CD63: variants seen among roughly 807,000 people sequenced by gnomAD.
CD63 encodes CD63 antigen.
In CD63, 16 loss-of-function variants were observed where a neutral mutation model predicts 29.2. The ratio of observed to expected loss-of-function variants is 0.55; its 90% CI spans 0.37 to 0.83. CD63 has a LOEUF of 0.83. CD63 is among the 40% of genes least tolerant of loss of function. The pLI is 0.00. For missense variants in CD63, 251 were observed against 297.3 expected (o/e 0.84, Z 1.15); for synonymous variants, 118 against 111.7 (o/e 1.06, Z -0.36).
intron 2 of CD63, 108 bp from the exon 3 acceptor site, chr12:55,727,447 G>A (rs1240640736): frequency 7.9e-7 from 1 of 1,272,150 alleles, no homozygotes; most frequent in Admixed American, 2.6e-5. Flanking sequence ...ATCCGGAAGA[G>A]AGATTCTCAC....
chr12:55,724,697 C>G (rs1877123958), downstream of CD63: 1 of 800,428 alleles, frequency 1.2e-6, no homozygotes, highest in Non-Finnish European at 2.1e-6. Flanking sequence ...AGAAATGTGC[C>G]CAGTGGAAGG....
At chr12:55,724,788 C>T, downstream of CD63, 1 of 577,154 alleles carries the variant, frequency 1.7e-6, no homozygotes, top group Non-Finnish European at 3.1e-6. Flanking sequence ...AAACAGCTAG[C>T]ACCCACAGTG....
chr12:55,727,492 G>C, intron 2 of CD63, 153 bp from the exon 3 acceptor site: 1 of 1,181,912 alleles, frequency 8.5e-7, no homozygotes, highest in Non-Finnish European at 1.1e-6. Context: ...TGGGGTAGGG[G>C]GATGACCCAT....
At chr12:55,729,260 G>A, upstream of CD63, 1 of 526,598 alleles carries the variant, frequency 1.9e-6, no homozygotes, top group Non-Finnish European at 2.4e-6. Flanking sequence ...GGGGCGCCTG[G>A]GGCCCCCCTC....
At chr12:55,725,247 T>C, downstream of CD63, 1 of 417,174 alleles carries the variant, frequency 2.4e-6, no homozygotes, top group Non-Finnish European at 4.4e-6. Flanking sequence ...ATGTTCATAG[T>C]GAGCCTGGCA....
At chr12:55,729,235 C>G, upstream of CD63, 1 of 782,468 alleles carries the variant, frequency 1.3e-6, no homozygotes, top group Non-Finnish European at 1.6e-6. Flanking sequence ...GGGAAAGCCG[C>G]AAGGGCAAGA....
chr12:55,728,299 A>G lies in CD63; in HGVS notation c.43T>C (p.Tyr15His). The G allele has an allele frequency of 1.2e-6, 2 of 1,611,496 alleles. No homozygotes were observed. Among genetic ancestry groups the G allele is most frequent in the Non-Finnish European group, 1.7e-6 (2 of 1,179,294 alleles). ...ACGCAAAAGGCCAGCAGGAGGACGT[A>G]GAGCAAGAACTTCACACATTTCATT... ...GGMKCVKFLL[Y>H]VLLLAFCACA... Residue 15 changes from tyrosine (Y) to histidine (H), a missense_variant, in exon 2 of 8, where the codon TAC (tyrosine) becomes CAC (histidine). Coordinates refer to ENST00000257857, the MANE Select transcript of CD63 (RefSeq NM_001780.6). This position sits in a 1 kb window ranked among gnomAD's most constrained non-coding sequence, Gnocchi z 4.8.
rs546462137 is a variant in CD63, at chr12:55,727,576, C to A, written c.67-237G>T. 2.3e-6 allele frequency: 3 copies of A among 1,302,300 alleles called. No homozygotes were observed. In the Admixed American group the frequency reaches 1.1e-4, roughly 48 times the overall value. The allele number at this position is 1,302,300 out of a possible 1,614,324, so 80.7% of individuals were successfully genotyped here. A position where few individuals can be genotyped will look rare whatever the true frequency, so the allele number is the denominator to read the frequency against. On this transcript the variant is annotated intron_variant, in intron 2 of 7. Coordinates refer to ENST00000257857, the MANE Select transcript of CD63 (RefSeq NM_001780.6). ...GGACATGACCAAATTCAAAAACCTC[C>A]CAGAAAGCCTTGACCTCAAGACACG...
At chr12:55,723,877 C>T (rs556112230), downstream of CD63, 20 of 1,613,110 alleles carry the variant, frequency 1.2e-5, no homozygotes, top group African/African-American at 4.0e-5. Context: ...CGCTCTGCCC[C>T]GACTCTAGGC....
At chr12:55,726,581 G>A (rs1877395660) in intron 5 of CD63, 119 bp downstream of exon 5, 1 of 802,418 alleles carries the variant, frequency 1.2e-6, no homozygotes, top group Non-Finnish European at 2.1e-6. Context: ...CTGACCTCAG[G>A]TGATCTGCCC....
At chr12:55,727,582 A>G (rs1313452171) in intron 2 of CD63, 22 of 1,292,740 alleles carry the variant, frequency 1.7e-5, no homozygotes, top group Non-Finnish European at 2.2e-5. Context: ...CCTCCCAGAA[A>G]GCCTTGACCT....
At chr12:55,724,850 T>C, downstream of CD63, 1 of 499,206 alleles carries the variant, frequency 2.0e-6, no homozygotes, top group Non-Finnish European at 3.7e-6. Context: ...GGAGTGGCCA[T>C]CAAAGGGCAC....
upstream of CD63, chr12:55,729,170 C>A: frequency 7.1e-6 from 7 of 981,546 alleles, no homozygotes; most frequent in Non-Finnish European, 8.5e-6. Flanking sequence ...CCGAGCCCCC[C>A]GCCCGGCCAG....
chr12:55,728,300 G>C lies in CD63; in HGVS notation c.42C>G (p.Leu14=), dbSNP rs3138131. The C allele has an allele frequency of 7.5e-3, 12,088 of 1,611,482 alleles. 46 individuals carry two copies. The highest frequency in any genetic ancestry group is 0.014 in the Middle Eastern group (87 of 6,058). ...EGGMKCVKFL[L]YVLLLAFCAC... ...CGCAAAAGGCCAGCAGGAGGACGTA[G>C]AGCAAGAACTTCACACATTTCATTC... Residue 14 remains leucine (L), a synonymous_variant, in exon 2 of 8, where the codon CTC becomes CTG. Transcript: ENST00000257857. The surrounding 1 kb of genome is among the most constrained non-coding windows in gnomAD (Gnocchi z 4.8).
Position 55,728,823 on chromosome 12 carries a change from C to T in CD63, c.-12+130G>A. ...TGCCCGGGCCCAGGGAACTTCGAAGCAAAGTTGCTCCAGGGCGGCTGGAGA... is the reference window on the plus strand; with the variant it reads ...TGCCCGGGCCCAGGGAACTTCGAAGTAAAGTTGCTCCAGGGCGGCTGGAGA... On this transcript the variant is annotated intron_variant, in intron 1 of 7. Transcript: ENST00000257857. This position sits in a 1 kb window ranked among gnomAD's most constrained non-coding sequence, Gnocchi z 4.8. 2 of 991,634 alleles carry T rather than the reference C, an allele frequency of 2.0e-6. No individual in the cohort carries two copies. The highest frequency in any genetic ancestry group is 1.2e-6 in the Non-Finnish European group (1 of 834,014). 61.4% of individuals were successfully genotyped at this position (991,634 alleles called of 1,614,324 possible).
At chr12:55,727,979 G>T in intron 2 of CD63, 1 of 1,207,430 alleles carries the variant, frequency 8.3e-7, no homozygotes, top group Non-Finnish European at 1.1e-6. Flanking sequence ...ATAGCATCAG[G>T]CGGTTGGCTG....
At chr12:55,726,622 G>T in intron 5 of CD63, 78 bp downstream of exon 5, 1 of 1,154,686 alleles carries the variant, frequency 8.7e-7, no homozygotes, top group Non-Finnish European at 1.3e-6. Context: ...TGAGATTACA[G>T]GCGTGAGTCA....
chr12:55,728,364 G>A lies in CD63; in HGVS notation c.-11-12C>T, dbSNP rs745386552. 3 of 1,602,994 alleles carry A rather than the reference G, an allele frequency of 1.9e-6. No individual in the cohort carries two copies. The highest frequency in any genetic ancestry group is 2.2e-5 in the East Asian group (1 of 44,576). On this transcript the variant is annotated splice_polypyrimidine_tract_variant and intron_variant, in intron 1 of 7. Coordinates refer to ENST00000257857, the MANE Select transcript of CD63 (RefSeq NM_001780.6). This position sits in a 1 kb window ranked among gnomAD's most constrained non-coding sequence, Gnocchi z 4.8. ...CATGGCTGCCGGGCCTGGGGCAGAG[G>A]GGAGGGCGGGGGGATTAAAACTGGC... is the stretch of plus-strand genomic sequence containing the variant.
rs1191328216 is a variant in CD63 at position 55,728,688 on chromosome 12, A to G, written c.-12+265T>C. The G allele has an allele frequency of 2.7e-5, 31 of 1,151,364 alleles. No homozygotes were observed. The highest frequency in any genetic ancestry group is 3.2e-5 in the Non-Finnish European group (30 of 930,712). 71.3% of individuals were successfully genotyped at this position (1,151,364 alleles called of 1,614,324 possible). A position where few individuals can be genotyped will look rare whatever the true frequency, so the allele number is the denominator to read the frequency against. The stretch of plus-strand genomic sequence containing the variant: ...TCCCCACCCAACACCCAGCCTGGAG[A>G]AACGGTCTTCAGCCCAACCCCGACC... On this transcript the variant is annotated intron_variant, in intron 1 of 7. Coordinates refer to ENST00000257857, the MANE Select transcript of CD63 (RefSeq NM_001780.6). This position sits in a 1 kb window ranked among gnomAD's most constrained non-coding sequence, Gnocchi z 4.8.
Sources: allele counts gnomAD v4.1 joint callset, GRCh38; gene constraint gnomAD v4.1.1; non-coding constraint Gnocchi (gnomAD v3.1); transcripts MANE v1.5; gene names NCBI Gene and HGNC (gene_info 2026-07-23, HGNC 2026-07-21).